Variants in DPYSL2 observed in about 807,000 individuals in gnomAD.
The protein encoded by DPYSL2 is dihydropyrimidinase like 2.
A neutral mutation model predicts 69.9 loss-of-function variants in DPYSL2; 13 were observed. That is an observed-to-expected ratio of 0.19 (90% CI 0.12 to 0.30). DPYSL2 has a LOEUF of 0.30. Ranked by LOEUF, DPYSL2 falls within the 10% of genes least tolerant of loss-of-function variation. DPYSL2 has a pLI of 1.00. For synonymous variants in DPYSL2, 326 were observed against 359.1 expected (o/e 0.91, Z 1.04); for missense variants, 587 against 918.9 (o/e 0.64, Z 4.67).
chr8:26,618,803 CAA>C (rs1802417158), intron 3 of DPYSL2, among the ~76,000 whole-genome samples: 2 of 126,038 alleles, frequency 1.6e-5, no homozygotes, highest in Non-Finnish European at 1.7e-5. Flanking sequence ...AAAAAAAATA[CAA>C]AAATTAGCCG....
chr8:26,604,183 C>A (rs1407516008), intron 3 of DPYSL2, among the ~76,000 whole-genome samples: 1 of 152,170 alleles, frequency 6.6e-6, no homozygotes, highest in Non-Finnish European at 1.5e-5. Context: ...GAAAAGTGAA[C>A]CCTTTAAAGC....
chr8:26,646,788 C>T lies in DPYSL2; in HGVS notation c.1426-842C>T, dbSNP rs141675281. ...GGAGGGTTGCTTGAGCCCAGGACTT[C>T]GAGCCCAGCTGGGCAACATAGTGAG... On this transcript the variant is annotated intron_variant, in intron 10 of 13. Coordinates refer to ENST00000521913, the MANE Select transcript of DPYSL2 (RefSeq NM_001197293.3). Among the ~76,000 whole-genome samples the T allele has an allele frequency of 1.4e-3, 211 of 151,936 alleles. 1 individual carries two copies. The highest frequency in any genetic ancestry group is 4.6e-3 in the African/African-American group (190 of 41,426).
Position 26,657,060 on chromosome 8 carries a change from C to A in DPYSL2, c.*1354C>A, listed in dbSNP as rs1803409826. ...GGAGCTTTTTATTTTCGGGGAAAAA[C>A]CGTATTTTTTTCTTGTCCAATTATT... On this transcript the variant is annotated 3_prime_UTR_variant, in exon 14 of 14. Transcript: ENST00000521913. 6.6e-6 allele frequency: 1 copy of A among 152,088 alleles called. No homozygotes were observed. Among genetic ancestry groups the A allele is most frequent in the African/African-American group, 2.4e-5 (1 of 41,404 alleles). The allele number at this position is 152,088 out of a possible 1,614,324, so 9.4% of individuals were successfully genotyped here. A position where few individuals can be genotyped will look rare whatever the true frequency, so the allele number is the denominator to read the frequency against.
chr8:26,582,052 G>T lies in DPYSL2; in HGVS notation c.438G>T (p.Leu146Phe). 1 of 1,612,702 alleles carries T rather than the reference G, an allele frequency of 6.2e-7. No individual in the cohort carries two copies. Among genetic ancestry groups the T allele is most frequent in the South Asian group, 1.1e-5 (1 of 91,034 alleles). Reference sequence around the variant, plus strand: ...CAGACATATACATGGAAGATGGGTTGATCAAGTAAGTGTAACTCATGATAT... The same window carrying T: ...CAGACATATACATGGAAGATGGGTTTATCAAGTAAGTGTAACTCATGATAT... ...FYADIYMEDG[L>F]IKQIGENLIV... is the part of the protein sequence containing the mutation. Residue 146 changes from leucine (L) to phenylalanine (F), a missense_variant, in exon 2 of 14, where the codon TTG becomes TTT. Transcript: ENST00000521913. The surrounding 1 kb of genome is among the most constrained non-coding windows in gnomAD (Gnocchi z 4.1).
rs199549550 is a variant in DPYSL2 at position 26,645,457 on chromosome 8, T to TA, written c.1425+1374dup. 2.3e-3 allele frequency among the ~76,000 whole-genome samples: 355 copies of TA among 152,186 alleles called. 3 individuals carry two copies. The highest frequency in any genetic ancestry group is 8.2e-3 in the African/African-American group (340 of 41,528). On this transcript the variant is annotated intron_variant, in intron 10 of 13. Coordinates refer to ENST00000521913, the MANE Select transcript of DPYSL2 (RefSeq NM_001197293.3). Reference sequence around the variant, plus strand: ...ATACATACTATTTTGTAGTCTTTTTTAAAAAAAATTTTATCATGGAAATAT... The same window carrying TA: ...ATACATACTATTTTGTAGTCTTTTTTAAAAAAAAATTTTATCATGGAAATAT...
chr8:26,566,842 G>A (rs1801158118), intron 1 of DPYSL2, among the ~76,000 whole-genome samples: 2 of 151,994 alleles, frequency 1.3e-5, no homozygotes, highest in Admixed American at 6.6e-5. Context: ...TCTATCCATT[G>A]TGCACCCGCC....
Position 26,658,125 on chromosome 8 carries a change from CTG to C in DPYSL2, c.*2423_*2424del, listed in dbSNP as rs1332236869. The C allele has an allele frequency of 6.6e-6, 1 of 152,440 alleles. No homozygotes were observed. Among genetic ancestry groups the C allele is most frequent in the Non-Finnish European group, 1.5e-5 (1 of 68,012 alleles). The allele number at this position is 152,440 out of a possible 1,614,324, so 9.4% of individuals were successfully genotyped here. A position where few individuals can be genotyped will look rare whatever the true frequency, so the allele number is the denominator to read the frequency against. On this transcript the variant is annotated 3_prime_UTR_variant, in exon 14 of 14. Transcript: ENST00000521913. The surrounding 1 kb of genome is among the most constrained non-coding windows in gnomAD (Gnocchi z 4.7). The stretch of plus-strand genomic sequence containing the variant: ...TCGTGTTTATTATTCCTTAAGAACT[CTG>C]TGTTATATTACCATGGAACGCCTAA...
intron 3 of DPYSL2, among the ~76,000 whole-genome samples, chr8:26,600,440 G>A (rs1010697440): frequency 6.6e-6 from 1 of 152,032 alleles, no homozygotes; most frequent in Admixed American, 6.6e-5. Context: ...CGGTTTCTTC[G>A]CATCCTTGCC....
In DPYSL2 at chr8:26,564,775, A is replaced by T. The variant is rs35678887; in HGVS notation, c.355-17194A>T. 0.39 allele frequency among the ~76,000 whole-genome samples: 59,135 copies of T among 151,436 alleles called. 12,907 individuals are homozygous for T. Among genetic ancestry groups the T allele is most frequent in the East Asian group, 0.71 (3,657 of 5,126 alleles). On this transcript the variant is annotated intron_variant, in intron 1 of 13. Transcript: ENST00000521913. The surrounding 1 kb of genome is among the most constrained non-coding windows in gnomAD (Gnocchi z 4.8). ...TCTTTTTAAAAGAATTTTTTTTTTA[A>T]AAAATTTCAATAGCTTTTGGGATAC...
intron 1 of DPYSL2, among the ~76,000 whole-genome samples, chr8:26,563,104 C>T (rs1801099203): frequency 6.6e-6 from 1 of 152,076 alleles, no homozygotes; most frequent in Non-Finnish European, 1.5e-5. Flanking sequence ...AGCCAGAAGC[C>T]CACCCGAATT....
Position 26,624,417 on chromosome 8 carries a change from T to A in DPYSL2, c.793+110T>A. 1 of 1,335,024 alleles carries A rather than the reference T, an allele frequency of 7.5e-7. No individual in the cohort carries two copies. Among genetic ancestry groups the A allele is most frequent in the Non-Finnish European group, 1.0e-6 (1 of 968,118 alleles). 82.7% of individuals were successfully genotyped at this position (1,335,024 alleles called of 1,614,324 possible). A position where few individuals can be genotyped will look rare whatever the true frequency, so the allele number is the denominator to read the frequency against. On this transcript the variant is annotated intron_variant, in intron 4 of 13. Transcript: ENST00000521913. This position sits in a 1 kb window ranked among gnomAD's most constrained non-coding sequence, Gnocchi z 4.7. Reference sequence around the variant, plus strand: ...GCTTCCAGATCCCATTTGTGCCTCATGCCCATGCCTGCCCCTGGGAAGGAG... The same window carrying A: ...GCTTCCAGATCCCATTTGTGCCTCAAGCCCATGCCTGCCCCTGGGAAGGAG...
chr8:26,655,207 G>C (rs1319344272), intron 13 of DPYSL2, among the ~76,000 whole-genome samples: 1 of 152,086 alleles, frequency 6.6e-6, no homozygotes, highest in Non-Finnish European at 1.5e-5. Context: ...GAAGAACAAA[G>C]AATGTGAGGC....
At chr8:26,561,490 C>T (rs961788613) in intron 1 of DPYSL2, among the ~76,000 whole-genome samples, 2 of 152,126 alleles carry the variant, frequency 1.3e-5, no homozygotes, top group African/African-American at 4.8e-5. Context: ...CTCAAATTAC[C>T]ATGGCCCCAA....
chr8:26,514,378 CT>C lies in DPYSL2; in HGVS notation c.60del (p.Phe20LeufsTer104). Reference protein sequence around the residue: ...GKAAEDEEVPAFFKNLGSGSP... With the variant: ...GKAAEDEEVPXFFKNLGSGSP... ...GCGGCAGAGGACGAAGAGGTCCCTGCTTTTTTTAAAAACCTGGGCTCCGGCA... is the reference window on the plus strand; with the variant it reads ...GCGGCAGAGGACGAAGAGGTCCCTGCTTTTTTAAAAACCTGGGCTCCGGCA... On this transcript the variant is annotated frameshift_variant, in exon 1 of 14. Coordinates refer to ENST00000521913, the MANE Select transcript of DPYSL2 (RefSeq NM_001197293.3). LOFTEE classifies it high-confidence loss of function. This position sits in a 1 kb window ranked among gnomAD's most constrained non-coding sequence, Gnocchi z 8.4. The C allele has an allele frequency of 1.3e-6, 2 of 1,514,998 alleles. No individual in the cohort carries two copies. The highest frequency in any genetic ancestry group is 1.8e-6 in the Non-Finnish European group (2 of 1,138,414). The allele number at this position is 1,514,998 out of a possible 1,614,324, so 93.8% of individuals were successfully genotyped here. A position where few individuals can be genotyped will look rare whatever the true frequency, so the allele number is the denominator to read the frequency against.
In DPYSL2 at chr8:26,587,783, G is replaced by T. The variant is rs980834099; in HGVS notation, c.628+3800G>T. 1.3e-5 allele frequency among the ~76,000 whole-genome samples: 2 copies of T among 152,120 alleles called. No homozygotes were observed. The highest frequency in any genetic ancestry group is 2.9e-5 in the Non-Finnish European group (2 of 68,028). On this transcript the variant is annotated intron_variant, in intron 3 of 13. Coordinates refer to ENST00000521913, the MANE Select transcript of DPYSL2 (RefSeq NM_001197293.3). This position sits in a 1 kb window ranked among gnomAD's most constrained non-coding sequence, Gnocchi z 4.2. ...GGGTTGCGGGGGCGGCCGCATTGCT[G>T]CTTGGGGAAAACCCTACGGACTTCC...
At position 26,617,712 on chromosome 8, in the gene DPYSL2, G is replaced by A. The variant is rs1369276982; in HGVS notation, c.629-6431G>A. Among the ~76,000 whole-genome samples, 6 of 152,160 alleles carry A rather than the reference G, an allele frequency of 3.9e-5. No individual in the cohort carries two copies. Among genetic ancestry groups the A allele is most frequent in the Non-Finnish European group, 7.4e-5 (5 of 68,026 alleles). ...CGCTGCAGCATGGATGAACCTTGAC[G>A]ACATGATGCCAAGTGAAAGCAGACA... On this transcript the variant is annotated intron_variant, in intron 3 of 13. Transcript: ENST00000521913. The surrounding 1 kb of genome is among the most constrained non-coding windows in gnomAD (Gnocchi z 4.7).
chr8:26,553,249 G>C lies in DPYSL2; in HGVS notation c.355-28720G>C, dbSNP rs145347615. On this transcript the variant is annotated intron_variant, in intron 1 of 13. Coordinates refer to ENST00000521913, the MANE Select transcript of DPYSL2 (RefSeq NM_001197293.3). ...TTTTAAACTTTTATTTTAGGTTCAG[G>C]GGTACATGTCCAGGTTTGTTATATA... Among the ~76,000 whole-genome samples, 383 of 152,222 alleles carry C rather than the reference G, an allele frequency of 2.5e-3. 2 individuals are homozygous for C. Among genetic ancestry groups the C allele is most frequent in the Non-Finnish European group, 4.5e-3 (308 of 68,014 alleles).
At chr8:26,527,746 A>G (rs1222908789) in intron 1 of DPYSL2, among the ~76,000 whole-genome samples, 1 of 152,162 alleles carries the variant, frequency 6.6e-6, no homozygotes, top group Non-Finnish European at 1.5e-5. Context: ...AGAATTAAAA[A>G]AATATGTATA....
intron 1 of DPYSL2, among the ~76,000 whole-genome samples, chr8:26,563,599 C>G (rs944161358): frequency 3.3e-5 from 5 of 152,214 alleles, no homozygotes; most frequent in African/African-American, 1.2e-4. Flanking sequence ...ACCTAAATGT[C>G]AGCTCCCCTT....
Sources: allele counts gnomAD v4.1 joint callset (sites outside exome capture counted in the v4.1 genomes callset), GRCh38; gene constraint gnomAD v4.1.1; non-coding constraint Gnocchi (gnomAD v3.1); transcripts MANE v1.5; gene names NCBI Gene and HGNC (gene_info 2026-07-23, HGNC 2026-07-21).